Variants in SLC2A14 observed in about 807,000 individuals in gnomAD.
The protein encoded by SLC2A14 is solute carrier family 2 member 14.
In SLC2A14, 13 loss-of-function variants were observed where a neutral mutation model predicts 43.0. That is an observed-to-expected ratio of 0.30 (90% CI 0.20 to 0.48). SLC2A14 has a LOEUF of 0.48. Among genes scored for constraint, SLC2A14 ranks in the 20% least tolerant of loss-of-function variants. The pLI, the probability that SLC2A14 is intolerant of heterozygous loss-of-function variation, is 0.99. For synonymous variants in SLC2A14, 190 were observed against 233.8 expected (o/e 0.81, Z 1.71); for missense variants, 428 against 620.4 (o/e 0.69, Z 3.29).
intron 1 of SLC2A14, among the ~76,000 whole-genome samples, chr12:7,888,134 C>A (rs1028438513): frequency 6.6e-6 from 1 of 152,084 alleles, no homozygotes; most frequent in South Asian, 2.1e-4. Context: ...TTTAACATTA[C>A]CTCCTTAATG....
rs377514412 is a variant in SLC2A14, at chr12:7,838,440, A to G, written c.19-5626T>C. Among the ~76,000 whole-genome samples the G allele has an allele frequency of 3.3e-5, 5 of 152,258 alleles. No homozygotes were observed. In the East Asian group the frequency reaches 9.6e-4, roughly 29 times the overall value. ...CTTACTAGAATTTTGAACTTGGAAG[A>G]CCAGGTACCCCTTTCTTCTTTCTTA... is the stretch of plus-strand genomic sequence containing the variant. On this transcript the variant is annotated intron_variant, in intron 2 of 10. Transcript: ENST00000431042.
At chr12:7,862,674 C>A (rs1212922501) in intron 2 of SLC2A14, among the ~76,000 whole-genome samples, 4 of 152,110 alleles carry the variant, frequency 2.6e-5, no homozygotes, top group Non-Finnish European at 2.9e-5. Context: ...CTTGGAGAAC[C>A]TTTATGTCTA....
chr12:7,876,489 T>A (rs1034568031), upstream of SLC2A14, among the ~76,000 whole-genome samples: 1 of 150,662 alleles, frequency 6.6e-6, no homozygotes, highest in African/African-American at 2.4e-5. Flanking sequence ...AGTGTTTACA[T>A]TGGTGGAAAT....
chr12:7,870,338 A>G (rs1418378251), intron 1 of SLC2A14, among the ~76,000 whole-genome samples: 2 of 152,174 alleles, frequency 1.3e-5, no homozygotes, highest in Non-Finnish European at 2.9e-5. Flanking sequence ...CTTGCCATAT[A>G]AAATTTAAAA....
intron 2 of SLC2A14, among the ~76,000 whole-genome samples, chr12:7,849,595 G>A (rs1370022255): frequency 1.3e-5 from 2 of 151,680 alleles, no homozygotes; most frequent in African/African-American, 4.8e-5. Context: ...TAAAATGTAT[G>A]TGGATATATA....
chr12:7,830,030 A>G (rs1476927001), intron 4 of SLC2A14, 24 bp from the exon 5 acceptor site: 9 of 1,613,236 alleles, frequency 5.6e-6, no homozygotes, highest in East Asian at 2.2e-5. Context: ...CAAAGACAAC[A>G]TGGAATTAGC....
At chr12:7,859,036 C>T (rs1004183500) in intron 2 of SLC2A14, among the ~76,000 whole-genome samples, 5 of 152,112 alleles carry the variant, frequency 3.3e-5, no homozygotes, top group African/African-American at 9.7e-5. Flanking sequence ...TCTCCCTTCA[C>T]CATTTGTTGA....
At chr12:7,826,846 C>T (rs1425805160) in intron 7 of SLC2A14, among the ~76,000 whole-genome samples, 1 of 9,470 alleles carries the variant, frequency 1.1e-4, no homozygotes, top group African/African-American at 2.0e-4. Flanking sequence ...TCCTTCCTTC[C>T]TTCCTTCCTT....
At chr12:7,844,077 A>T (rs1592230031) in intron 2 of SLC2A14, among the ~76,000 whole-genome samples, 1 of 152,142 alleles carries the variant, frequency 6.6e-6, no homozygotes, top group Admixed American at 6.6e-5. Context: ...TCACAGGCAT[A>T]ACCATTAACC....
chr12:7,878,443 G>A (rs916637745), upstream of SLC2A14, among the ~76,000 whole-genome samples: 17 of 150,194 alleles, frequency 1.1e-4, no homozygotes, highest in African/African-American at 3.9e-4. Context: ...ATTTTTAGTA[G>A]AGACAGGGTT....
chr12:7,881,000 G>C (rs1416100094), intron 1 of SLC2A14, among the ~76,000 whole-genome samples: 5 of 152,124 alleles, frequency 3.3e-5, no homozygotes, highest in Non-Finnish European at 5.9e-5. Context: ...ATTAACTGGC[G>C]TGGTGGCAGG....
intron 1 of SLC2A14, among the ~76,000 whole-genome samples, chr12:7,882,655 G>C (rs939817116): frequency 9.2e-5 from 14 of 152,122 alleles, no homozygotes; most frequent in African/African-American, 3.1e-4. Flanking sequence ...TGGTCAACAT[G>C]GCTAAACCTC....
rs568093580 is a variant in SLC2A14 at position 7,832,144 on chromosome 12, A to G, written c.112-380T>C. 4.6e-5 allele frequency among the ~76,000 whole-genome samples: 7 copies of G among 152,308 alleles called. 1 individual carries two copies. The highest frequency in any genetic ancestry group is 1.7e-4 in the African/African-American group (7 of 41,582). ...ACAAACAAAACAAATATTAGGGATC[A>G]TTTCCTCCCTAGAGAATCAAGGGAA... is the stretch of plus-strand genomic sequence containing the variant. On this transcript the variant is annotated intron_variant, in intron 3 of 10. Coordinates refer to ENST00000431042, the MANE Select transcript of SLC2A14 (RefSeq NM_001286234.2).
At chr12:7,814,957 G>A (rs973967510) in intron 10 of SLC2A14, among the ~76,000 whole-genome samples, 4 of 151,748 alleles carry the variant, frequency 2.6e-5, no homozygotes, top group Non-Finnish European at 5.9e-5. Flanking sequence ...CCACCAGCAC[G>A]CCTGGCTAAT....
At chr12:7,815,815 A>T (rs1212239337) in intron 10 of SLC2A14, among the ~76,000 whole-genome samples, 1 of 151,740 alleles carries the variant, frequency 6.6e-6, no homozygotes, top group Non-Finnish European at 1.5e-5. Context: ...ACCTCAGGTG[A>T]TCCTCTCGCC....
intron 2 of SLC2A14, among the ~76,000 whole-genome samples, chr12:7,854,466 C>T (rs747703341): frequency 6.6e-6 from 1 of 152,176 alleles, no homozygotes; most frequent in Non-Finnish European, 1.5e-5. Context: ...CTCACTGATT[C>T]CTCTCTTTTC....
At chr12:7,821,799 C>A (rs770139271) in intron 7 of SLC2A14, among the ~76,000 whole-genome samples, 1 of 151,118 alleles carries the variant, frequency 6.6e-6, no homozygotes, top group Admixed American at 6.6e-5. Flanking sequence ...CCTGCCACCG[C>A]GCCCAGCTAA....
At chr12:7,876,534 GA>G (rs71038796), upstream of SLC2A14, among the ~76,000 whole-genome samples, 129,514 of 151,932 alleles carry the variant, frequency 0.85, 55,513 homozygotes, top group South Asian at 0.95. Context: ...AAGCAGTATG[GA>G]AGATTCCTCA....
chr12:7,848,738 T>C (rs1442082684), intron 2 of SLC2A14, among the ~76,000 whole-genome samples: 1 of 151,894 alleles, frequency 6.6e-6, no homozygotes, highest in Admixed American at 6.6e-5. Flanking sequence ...GTATTTTTAG[T>C]AGAGATGGGG....
Sources: gnomAD v4.1 joint callset for allele counts (sites outside exome capture counted in the v4.1 genomes callset) on GRCh38, gnomAD v4.1.1 for gene constraint, MANE v1.5 for transcripts, NCBI Gene and HGNC (gene_info 2026-07-23, HGNC 2026-07-21) for gene names.